The following C1orf54 variants were observed in gnomAD, a reference collection of about 807,000 sequenced individuals.
C1orf54 encodes chromosome 1 open reading frame 54.
C1orf54 carries 12 observed loss-of-function variants against 14.7 expected under a neutral mutation model. That is an observed-to-expected ratio of 0.82 (90% CI 0.52 to 1.32). The LOEUF is 1.32. Among genes scored for constraint, C1orf54 ranks in the 40% most tolerant of loss-of-function variants. The pLI is 0.00. For missense variants in C1orf54, 163 were observed against 162.2 expected (o/e 1.00, Z -0.03); for synonymous variants, 65 against 56.3 (o/e 1.16, Z -0.70).
intron 4 of C1orf54, 119 bp downstream of exon 4, chr1:150,276,751 A>T (rs1652694743): frequency 2.7e-6 from 2 of 739,116 alleles, no homozygotes; most frequent in Admixed American, 4.6e-5. Context: ...TTAGTACTTC[A>T]TTGCAGGTAT....
At chr1:150,280,296 T>G (rs115212248) in intron 5 of C1orf54, among the ~76,000 whole-genome samples, 1 of 152,230 alleles carries the variant, frequency 6.6e-6, no homozygotes, top group African/African-American at 2.4e-5. Flanking sequence ...TTAAAGAAGT[T>G]TAGGAGATGC....
intron 4 of C1orf54, among the ~76,000 whole-genome samples, chr1:150,279,213 G>A (rs1652907094): frequency 6.6e-6 from 1 of 152,178 alleles, no homozygotes; most frequent in Non-Finnish European, 1.5e-5. Context: ...AGGTTACAGC[G>A]AGCTGAGATT....
At chr1:150,269,078 C>T (rs1180963734), upstream of C1orf54, 1 of 405,806 alleles carries the variant, frequency 2.5e-6, no homozygotes, top group African/African-American at 2.0e-5. Context: ...CCCGGAAGGC[C>T]AATGGAGAAT....
In C1orf54 at chr1:150,278,571, TGGGA is replaced by T. The variant is rs1471384190; in HGVS notation, c.301-1069_301-1066del. 4.0e-5 allele frequency among the ~76,000 whole-genome samples: 6 copies of T among 151,812 alleles called. No individual in the cohort carries two copies. In the East Asian group the frequency reaches 1.2e-3, roughly 29 times the overall value. On this transcript the variant is annotated intron_variant, in intron 4 of 5. Transcript: ENST00000369099. ...GGCCAGTGACTGTGCCTGTAGTGAG[TGGGA>T]GGAAGAGAAATTAATGAATGGAATG...
chr1:150,277,445 G>A (rs150374987), intron 4 of C1orf54, among the ~76,000 whole-genome samples: 1 of 140,244 alleles, frequency 7.1e-6, no homozygotes, highest in East Asian at 2.4e-4. Context: ...AGAGGTTGCA[G>A]TGAGCCGAGA....
chr1:150,274,698 C>T (rs113579391), intron 2 of C1orf54, among the ~76,000 whole-genome samples: 7,104 of 150,676 alleles, frequency 0.047, 423 homozygotes, highest in African/African-American at 0.13. Context: ...GGATCACCTG[C>T]GGTCAGGAGT....
At chr1:150,275,642 C>T (rs1553852276) in intron 2 of C1orf54, 99 bp from the exon 3 acceptor site, 8 of 926,780 alleles carry the variant, frequency 8.6e-6, no homozygotes, top group East Asian at 5.4e-5. Flanking sequence ...AATGTTACAA[C>T]TTAAGTTAAA....
At chr1:150,278,656 A>G (rs1652859156) in intron 4 of C1orf54, among the ~76,000 whole-genome samples, 1 of 152,228 alleles carries the variant, frequency 6.6e-6, no homozygotes, top group African/African-American at 2.4e-5. Flanking sequence ...TATAGAGTCT[A>G]GAAGAGAAAG....
upstream of C1orf54, among the ~76,000 whole-genome samples, chr1:150,271,696 G>A (rs997839351): frequency 2.0e-5 from 3 of 152,180 alleles, no homozygotes; most frequent in African/African-American, 7.2e-5. Context: ...TAAAAGCAGA[G>A]GAAAGGATAA....
chr1:150,272,960 G>C (rs1443258872), intron 1 of C1orf54, 97 bp downstream of exon 1: 1 of 1,339,902 alleles, frequency 7.5e-7, no homozygotes, highest in Non-Finnish European at 1.1e-6. Context: ...GTACATTTCA[G>C]TGGGGAGCGA....
At chr1:150,279,553 A>G in intron 4 of C1orf54, 90 bp from the exon 5 acceptor site, 1 of 1,160,954 alleles carries the variant, frequency 8.6e-7, no homozygotes, top group Non-Finnish European at 1.2e-6. Flanking sequence ...AGGTTGTTGT[A>G]AAGAGGTGGC....
At chr1:150,279,601 A>G (rs1468373961) in intron 4 of C1orf54, 42 bp from the exon 5 acceptor site, 1 of 1,549,582 alleles carries the variant, frequency 6.5e-7, no homozygotes, top group Non-Finnish European at 8.8e-7. Context: ...GGTAGGAGGA[A>G]TGACACCAGC....
intron 4 of C1orf54, among the ~76,000 whole-genome samples, chr1:150,277,073 C>T (rs1159175658): frequency 6.6e-6 from 1 of 152,134 alleles, no homozygotes; most frequent in Non-Finnish European, 1.5e-5. Context: ...GAGATTAGTA[C>T]AGGCTAGAGT....
upstream of C1orf54, among the ~76,000 whole-genome samples, chr1:150,270,887 TCAGGAGGCTGAGG>T (rs1476594730): frequency 3.4e-5 from 5 of 145,462 alleles, no homozygotes; most frequent in African/African-American, 1.3e-4. Context: ...TCCCAGCTAC[TCAGGAGGCTGAGG>T]CAGGAGAATG....
At chr1:150,276,747 C>A in intron 4 of C1orf54, 115 bp downstream of exon 4, 1 of 775,680 alleles carries the variant, frequency 1.3e-6, no homozygotes, top group Non-Finnish European at 2.2e-6. Context: ...ATAATTAGTA[C>A]TTCATTGCAG....
At chr1:150,277,740 C>T (rs1553852794) in intron 4 of C1orf54, among the ~76,000 whole-genome samples, 2 of 152,040 alleles carry the variant, frequency 1.3e-5, no homozygotes, top group Non-Finnish European at 2.9e-5. Flanking sequence ...GAAGTCTGGA[C>T]TCATAATCAA....
intron 4 of C1orf54, among the ~76,000 whole-genome samples, chr1:150,277,481 C>T (rs1235799752): frequency 3.8e-5 from 4 of 105,138 alleles, no homozygotes; most frequent in Admixed American, 1.5e-4. Flanking sequence ...CCAGCCTGGG[C>T]GACAGAGTGA....
At chr1:150,269,019 G>T (rs200019584), upstream of C1orf54, 5 of 518,104 alleles carry the variant, frequency 9.7e-6, no homozygotes, top group South Asian at 2.1e-5. Context: ...CCGAAGAGGG[G>T]ACAAATCCCG....
At chr1:150,277,502 T>TAA (rs71083896) in intron 4 of C1orf54, among the ~76,000 whole-genome samples, 14,909 of 41,154 alleles carry the variant, frequency 0.36, 4,799 homozygotes, top group East Asian at 0.64. Context: ...GACTCTATAC[T>TAA]AAAAAAAAAA....
Sources: gnomAD v4.1 joint callset for allele counts (sites outside exome capture counted in the v4.1 genomes callset) on GRCh38, gnomAD v4.1.1 for gene constraint, MANE v1.5 for transcripts, NCBI Gene and HGNC (gene_info 2026-07-23, HGNC 2026-07-21) for gene names.